LRP1B: variants seen among roughly 807,000 people sequenced by gnomAD.
LRP1B encodes the protein low-density lipoprotein receptor-related protein 1B.
A neutral mutation model predicts 556.6 loss-of-function variants in LRP1B; 217 were observed. That is an observed-to-expected ratio of 0.39 (90% confidence interval 0.35 to 0.44). The LOEUF is 0.44. Among genes scored for constraint, LRP1B ranks in the 20% least tolerant of loss-of-function variants. The pLI, the probability that LRP1B is intolerant of heterozygous loss-of-function variation, is 1.00. For missense variants in LRP1B, 5,053 were observed against 5,620.8 expected (o/e 0.90, Z 3.23); for synonymous variants, 2,047 against 1,865.8 (o/e 1.10, Z -2.50).
chr2:141,533,355 C>G (rs1684957425), intron 2 of LRP1B, among the ~76,000 whole-genome samples: 1 of 152,114 alleles, frequency 6.6e-6, no homozygotes, highest in Non-Finnish European at 1.5e-5. Context: ...AAGCATCAGC[C>G]TTCTCCGTGT....
chr2:140,323,431 T>C (rs914018901), intron 81 of LRP1B, among the ~76,000 whole-genome samples: 1 of 151,914 alleles, frequency 6.6e-6, no homozygotes. Flanking sequence ...AGAGTCAAAA[T>C]GGCTAACAAT....
chr2:140,867,647 T>G lies in LRP1B; in HGVS notation c.4522A>C (p.Lys1508Gln). The G allele has an allele frequency of 6.2e-7, 1 of 1,613,588 alleles. No homozygotes were observed. The highest frequency in any genetic ancestry group is 8.5e-7 in the Non-Finnish European group (1 of 1,179,644). ...AGGTCAAATGGCTGTGCACTGGTTTTCTGAATCACACTGACATTCTGCCCT... is the reference window on the plus strand; with the variant it reads ...AGGTCAAATGGCTGTGCACTGGTTTGCTGAATCACACTGACATTCTGCCCT... ...WTGQNVSVIQ[K>Q]TSAQPFDLQI... The change falls in exon 27 of 91, where the codon AAA becomes CAA. Residue 1508 changes from lysine to glutamine, a missense_variant. This residue lies in a region of LRP1B where 3,619 missense variants were observed against 3,931.9 expected (regional missense o/e 0.92). Transcript: ENST00000389484.
At chr2:141,295,576 T>C (rs141419056) in intron 3 of LRP1B, among the ~76,000 whole-genome samples, 1 of 152,280 alleles carries the variant, frequency 6.6e-6, no homozygotes, top group Non-Finnish European at 1.5e-5. Context: ...CTCTGATCAC[T>C]AACTCTACCT....
chr2:140,385,018 A>G (rs1216414390), intron 67 of LRP1B, among the ~76,000 whole-genome samples: 1 of 152,142 alleles, frequency 6.6e-6, no homozygotes, highest in East Asian at 1.9e-4. Context: ...TTGGGAGGCC[A>G]GGGTTTATTG....
chr2:141,926,070 T>A (rs1558965933), intron 1 of LRP1B, among the ~76,000 whole-genome samples: 1 of 152,230 alleles, frequency 6.6e-6, no homozygotes, highest in Non-Finnish European at 1.5e-5. Flanking sequence ...TAGTGACTGA[T>A]GTCATCTTGA....
intron 1 of LRP1B, among the ~76,000 whole-genome samples, chr2:142,106,660 C>A (rs574798105): frequency 6.6e-6 from 1 of 152,148 alleles, no homozygotes; most frequent in South Asian, 2.1e-4. Context: ...CTCTTGCCTC[C>A]CCACACCTCA....
chr2:141,921,643 G>A (rs1369542), intron 1 of LRP1B, among the ~76,000 whole-genome samples: 61,504 of 151,698 alleles, frequency 0.41, 12,782 homozygotes, highest in South Asian at 0.54. Context: ...TCACCACTAT[G>A]TCTTAGAAGT....
At chr2:141,921,582 T>C (rs1474970190) in intron 1 of LRP1B, among the ~76,000 whole-genome samples, 3 of 152,080 alleles carry the variant, frequency 2.0e-5, no homozygotes, top group African/African-American at 7.2e-5. Flanking sequence ...ATTTCACATA[T>C]TCTAGCAATG....
chr2:140,838,716 G>T (rs1334737558), intron 31 of LRP1B, among the ~76,000 whole-genome samples: 1 of 151,894 alleles, frequency 6.6e-6, no homozygotes, highest in African/African-American at 2.4e-5. Context: ...CCCATCATTT[G>T]CATCTTTATG....
chr2:140,689,325 C>T (rs897578820), intron 41 of LRP1B, among the ~76,000 whole-genome samples: 1 of 152,188 alleles, frequency 6.6e-6, no homozygotes, highest in Non-Finnish European at 1.5e-5. Context: ...AAGGCAAATG[C>T]CAATCTGTAA....
chr2:140,528,776 G>GAA (rs952612429), intron 47 of LRP1B, among the ~76,000 whole-genome samples: 1 of 148,536 alleles, frequency 6.7e-6, no homozygotes, highest in Non-Finnish European at 1.5e-5. Context: ...ATCCTGTGAG[G>GAA]AAAAAAAAAA....
At chr2:140,289,355 A>C (rs1683283246) in intron 84 of LRP1B, among the ~76,000 whole-genome samples, 1 of 151,950 alleles carries the variant, frequency 6.6e-6, no homozygotes, top group Non-Finnish European at 1.5e-5. Flanking sequence ...CTATTCATCA[A>C]AGTTATACAA....
intron 41 of LRP1B, among the ~76,000 whole-genome samples, chr2:140,641,761 T>C (rs1380288611): frequency 2.0e-5 from 3 of 152,220 alleles, no homozygotes; most frequent in Non-Finnish European, 4.4e-5. Context: ...GGCATGCATA[T>C]GACCATATAG....
intron 43 of LRP1B, among the ~76,000 whole-genome samples, chr2:140,551,965 C>G (rs1190765106): frequency 1.3e-5 from 2 of 152,034 alleles, no homozygotes; most frequent in African/African-American, 4.8e-5. Flanking sequence ...CTATTTTAAA[C>G]CACATTTTAC....
intron 20 of LRP1B, among the ~76,000 whole-genome samples, chr2:140,927,518 T>C (rs949049474): frequency 3.3e-5 from 5 of 152,166 alleles, no homozygotes; most frequent in South Asian, 2.1e-4. Flanking sequence ...AATTCATTCA[T>C]ATAATAATCA....
rs543924095 is a variant in LRP1B, at chr2:141,647,051, G to A, written c.205+163228C>T. On this transcript the variant is annotated intron_variant, in intron 2 of 90. Coordinates refer to ENST00000389484, the MANE Select transcript of LRP1B (RefSeq NM_018557.3). ...GGTAAGACTTCAAAGGGGTTATGGC[G>A]GTCAGGTAATAATGAATTCAAGTTG... Among the ~76,000 whole-genome samples, 17 of 152,222 alleles carry A rather than the reference G, an allele frequency of 1.1e-4. No homozygotes were observed. The Middle Eastern group carries it at 0.01, about 91-fold the overall frequency.
chr2:141,497,727 A>G (rs961951121), intron 2 of LRP1B, among the ~76,000 whole-genome samples: 1 of 151,982 alleles, frequency 6.6e-6, no homozygotes, highest in Non-Finnish European at 1.5e-5. Context: ...GCGCAAATCT[A>G]CTGAACAAAC....
intron 41 of LRP1B, among the ~76,000 whole-genome samples, chr2:140,688,226 A>G (rs767894764): frequency 1.4e-4 from 22 of 152,184 alleles, no homozygotes; most frequent in Admixed American, 7.2e-4. Flanking sequence ...AAAAAAAATC[A>G]GCATTATTTG....
intron 2 of LRP1B, among the ~76,000 whole-genome samples, chr2:141,697,606 G>A (rs1379479049): frequency 6.6e-6 from 1 of 151,926 alleles, no homozygotes; most frequent in Non-Finnish European, 1.5e-5. Flanking sequence ...AGCGAAATGG[G>A]TAATGTCATA....
Sources: gnomAD v4.1 joint callset for allele counts (sites outside exome capture counted in the v4.1 genomes callset) on GRCh38, gnomAD v4.1.1 for gene constraint, gnomAD v4.1.1 regional missense constraint, MANE v1.5 for transcripts, NCBI Gene and HGNC (gene_info 2026-07-23, HGNC 2026-07-21) for gene names.